Variants in FARS2 observed in about 807,000 individuals in gnomAD.
The protein encoded by FARS2 is phenylalanyl-tRNA synthetase 2, mitochondrial.
Under a neutral mutation model 46.4 loss-of-function variants are expected in FARS2, and 40 were observed. The ratio of observed to expected loss-of-function variants is 0.86; its 90% CI spans 0.67 to 1.12. The LOEUF (loss-of-function observed/expected upper bound fraction) is 1.12. Among genes scored for constraint, FARS2 ranks in the 50% most tolerant of loss-of-function variants. FARS2 has a pLI of 0.00. For synonymous variants in FARS2, 234 were observed against 214.9 expected, an observed-to-expected ratio of 1.09 and a Z score of -0.78; for missense variants, 513 against 567.9, an observed-to-expected ratio of 0.90 and a Z score of 0.98.
At chr6:5,309,415 A>C (rs1768939730) in intron 1 of FARS2, among the ~76,000 whole-genome samples, 1 of 152,182 alleles carries the variant, frequency 6.6e-6, no homozygotes, top group East Asian at 1.9e-4. Flanking sequence ...TTTTAGAGAC[A>C]TGATATTCTA....
At position 5,539,384 on chromosome 6, in the gene FARS2, G is replaced by GTATATATATATA. The variant is rs1554106819; in HGVS notation, c.905-5792_905-5781dup. ...ACCATGCCCACCTAATTTTTTTTGT[G>GTATATATATATA]TATATATATATATATGTATATATTT... On this transcript the variant is annotated intron_variant, in intron 4 of 6. Transcript: ENST00000274680. 2.6e-3 allele frequency among the ~76,000 whole-genome samples: 204 copies of GTATATATATATA among 79,582 alleles called. 5 individuals are homozygous for GTATATATATATA. The highest frequency in any genetic ancestry group is 9.1e-3 in the African/African-American group (197 of 21,620). The allele number at this position is 79,582 out of a possible 152,430, so 52.2% of individuals were successfully genotyped here.
At chr6:5,279,272 G>A (rs574816513) in intron 1 of FARS2, among the ~76,000 whole-genome samples, 1 of 151,586 alleles carries the variant, frequency 6.6e-6, no homozygotes, top group South Asian at 2.1e-4. Flanking sequence ...AGCTACTCGG[G>A]AGGCTGAGGC....
chr6:5,727,399 A>G lies in FARS2; in HGVS notation c.1218-43892A>G, dbSNP rs1327634634. ...GGCAGTGGTGTCACTTATACTTGTTACACTTTTCAGAGGCAGGGTGCTGAC... is the reference window on the plus strand; with the variant it reads ...GGCAGTGGTGTCACTTATACTTGTTGCACTTTTCAGAGGCAGGGTGCTGAC... On this transcript the variant is annotated intron_variant, in intron 6 of 6. Coordinates refer to ENST00000274680, the MANE Select transcript of FARS2 (RefSeq NM_006567.5). The surrounding 1 kb of genome is among the most constrained non-coding windows in gnomAD (Gnocchi z 4.1). Among the ~76,000 whole-genome samples the G allele has an allele frequency of 6.6e-6, 1 of 152,172 alleles. No homozygotes were observed. The highest frequency in any genetic ancestry group is 1.5e-5 in the Non-Finnish European group (1 of 68,020).
intron 5 of FARS2, among the ~76,000 whole-genome samples, chr6:5,589,962 G>T (rs1395358265): frequency 6.6e-6 from 1 of 152,146 alleles, no homozygotes; most frequent in East Asian, 1.9e-4. Context: ...GCCCCACCCT[G>T]CATAGCTATG....
chr6:5,766,489 C>T (rs1762756764), intron 6 of FARS2, among the ~76,000 whole-genome samples: 2 of 152,252 alleles, frequency 1.3e-5, no homozygotes, highest in Non-Finnish European at 2.9e-5. Context: ...AGGGCAGAGC[C>T]AGAGAGGAGC....
At chr6:5,417,915 A>G (rs985860619) in intron 3 of FARS2, among the ~76,000 whole-genome samples, 1 of 150,874 alleles carries the variant, frequency 6.6e-6, no homozygotes, top group South Asian at 2.1e-4. Flanking sequence ...TCTTTCAGTG[A>G]TTTTTTTTTC....
intron 6 of FARS2, among the ~76,000 whole-genome samples, chr6:5,662,648 T>A (rs1054668098): frequency 2.6e-5 from 4 of 152,238 alleles, no homozygotes; most frequent in Admixed American, 2.0e-4. Context: ...TTCAGTTAAT[T>A]ATCAAAACTA....
At chr6:5,379,665 A>G (rs914141871) in intron 2 of FARS2, among the ~76,000 whole-genome samples, 1 of 152,160 alleles carries the variant, frequency 6.6e-6, no homozygotes, top group African/African-American at 2.4e-5. Context: ...GTGTGGGGAA[A>G]GTTAATTTGG....
At chr6:5,567,712 C>T (rs1772401193) in intron 5 of FARS2, among the ~76,000 whole-genome samples, 1 of 152,216 alleles carries the variant, frequency 6.6e-6, no homozygotes, top group African/African-American at 2.4e-5. Flanking sequence ...CATGTTTATG[C>T]ATATATACGA....
intron 3 of FARS2, among the ~76,000 whole-genome samples, chr6:5,430,705 C>T (rs1027892422): frequency 2.8e-4 from 42 of 152,174 alleles, no homozygotes; most frequent in African/African-American, 1.0e-3. Flanking sequence ...ATGTCATTTT[C>T]ATGTATAGAA....
intron 5 of FARS2, among the ~76,000 whole-genome samples, chr6:5,607,285 A>ATGTGTGTGTGTGTGTGTGTG (rs200898031): frequency 1.3e-5 from 1 of 74,986 alleles, no homozygotes; most frequent in African/African-American, 3.7e-5. Flanking sequence ...AATAATATGT[A>ATGTGTGTGTGTGTGTGTGTG]TGTGTGTGTG....
intron 5 of FARS2, among the ~76,000 whole-genome samples, chr6:5,582,161 A>G (rs531160007): frequency 8.5e-6 from 1 of 117,838 alleles, no homozygotes; most frequent in Admixed American, 8.8e-5. Flanking sequence ...GCTTTTATAA[A>G]TGGTCACAGT....
chr6:5,722,241 A>G (rs909339851), intron 6 of FARS2, among the ~76,000 whole-genome samples: 1 of 152,232 alleles, frequency 6.6e-6, no homozygotes, highest in African/African-American at 2.4e-5. Flanking sequence ...AAAAGGGCAA[A>G]TAAAGTCTTA....
chr6:5,409,177 G>A (rs568692396), intron 3 of FARS2, among the ~76,000 whole-genome samples: 2 of 152,126 alleles, frequency 1.3e-5, no homozygotes, highest in African/African-American at 4.8e-5. Flanking sequence ...TGGGCCAGGC[G>A]CGGTGGCTCA....
intron 4 of FARS2, among the ~76,000 whole-genome samples, chr6:5,496,373 A>C (rs889410564): frequency 6.6e-6 from 1 of 152,192 alleles, no homozygotes; most frequent in Non-Finnish European, 1.5e-5. Flanking sequence ...TGTCATCGAG[A>C]GGGAGGAGCT....
chr6:5,579,370 C>T (rs2150576909), intron 5 of FARS2, among the ~76,000 whole-genome samples: 1 of 152,294 alleles, frequency 6.6e-6, no homozygotes, highest in South Asian at 2.1e-4. Flanking sequence ...AAGCGATTCT[C>T]CTGCCTCAGC....
intron 6 of FARS2, among the ~76,000 whole-genome samples, chr6:5,713,342 A>G (rs1490543547): frequency 6.6e-6 from 1 of 152,244 alleles, no homozygotes; most frequent in East Asian, 1.9e-4. Flanking sequence ...GAATACAAAG[A>G]GCTTATGCAA....
At chr6:5,682,530 C>T (rs2150836833) in intron 6 of FARS2, among the ~76,000 whole-genome samples, 1 of 152,338 alleles carries the variant, frequency 6.6e-6, no homozygotes, top group South Asian at 2.1e-4. Context: ...CATTCTTTTC[C>T]ACACTGAATT....
intron 1 of FARS2, among the ~76,000 whole-genome samples, chr6:5,323,664 C>T (rs1421707634): frequency 6.6e-6 from 1 of 152,220 alleles, no homozygotes; most frequent in East Asian, 1.9e-4. Flanking sequence ...CGGAAGGACT[C>T]ATTCCTGCTG....
Sources: allele counts gnomAD v4.1 joint callset (sites outside exome capture counted in the v4.1 genomes callset), GRCh38; gene constraint gnomAD v4.1.1; non-coding constraint Gnocchi (gnomAD v3.1); transcripts MANE v1.5; gene names NCBI Gene and HGNC (gene_info 2026-07-23, HGNC 2026-07-21).